WDR88: variants seen among roughly 807,000 people sequenced by gnomAD.
WDR88 encodes WD repeat domain 88.
Under a neutral mutation model 46.8 loss-of-function variants are expected in WDR88, and 40 were observed. That is an observed-to-expected ratio of 0.86 (90% CI 0.66 to 1.11). WDR88 has a LOEUF of 1.11. WDR88 is among the 50% of genes most tolerant of loss of function. The pLI is 0.00. For synonymous variants in WDR88, 235 were observed against 240.7 expected, an observed-to-expected ratio of 0.98 and a Z score of 0.22; for missense variants, 562 against 602.4, an observed-to-expected ratio of 0.93 and a Z score of 0.70.
intron 5 of WDR88, among the ~76,000 whole-genome samples, chr19:33,150,829 T>C (rs983824094): frequency 4.6e-5 from 7 of 152,252 alleles, no homozygotes; most frequent in African/African-American, 1.7e-4. Context: ...CTGCTTCCCT[T>C]GCTGGCTTTT....
chr19:33,132,233 T>A lies in WDR88; in HGVS notation c.64T>A (p.Ser22Thr). ...CAGGGAATGCAAGTTGCCGCCACCC[T>A]CCGCCCCCGCCAGCGAGTATTGTCC... Reference protein sequence around the residue: ...HDRECKLPPPSAPASEYCPGK... With the variant: ...HDRECKLPPPTAPASEYCPGK... The change falls in exon 1 of 11, where the codon TCC (serine) becomes ACC (threonine). Residue 22 changes from serine to threonine, a missense_variant. By Grantham distance (58) the Ser-to-Thr change is moderately conservative (BLOSUM62 1). Transcript: ENST00000355868. The A allele has an allele frequency of 6.2e-7, 1 of 1,610,912 alleles. No individual in the cohort carries two copies. The highest frequency in any genetic ancestry group is 1.1e-5 in the South Asian group (1 of 91,082).
rs201210259 is a variant in WDR88, at chr19:33,156,458, G to T, written c.913G>T (p.Gly305Trp). ...CTTAAAAATATGGAACGTCCACACA[G>T]GGGAGTTTCGAAACTGTGGAGCCTG... ...KNLKIWNVHT[G>W]EFRNCGACVT... Residue 305 changes from glycine to tryptophan, a missense_variant, in exon 7 of 11, where the codon GGG becomes TGG. Coordinates refer to ENST00000355868, the MANE Select transcript of WDR88 (RefSeq NM_173479.4). 2 of 1,614,042 alleles carry T rather than the reference G, an allele frequency of 1.2e-6. No individual in the cohort carries two copies. Among genetic ancestry groups the T allele is most frequent in the Non-Finnish European group, 1.7e-6 (2 of 1,180,022 alleles).
At chr19:33,156,648 A>G (rs1973741697) in intron 7 of WDR88, 106 bp downstream of exon 7, 1 of 1,304,100 alleles carries the variant, frequency 7.7e-7, no homozygotes. Flanking sequence ...TGATGCTGAC[A>G]GGGAGGGCGG....
At chr19:33,136,486 C>G (rs929401674) in intron 1 of WDR88, among the ~76,000 whole-genome samples, 1 of 152,030 alleles carries the variant, frequency 6.6e-6, no homozygotes, top group Non-Finnish European at 1.5e-5. Context: ...CCACCGCGCC[C>G]GGCCACACTA....
At chr19:33,136,819 C>A (rs149088301) in intron 1 of WDR88, among the ~76,000 whole-genome samples, 1 of 152,092 alleles carries the variant, frequency 6.6e-6, no homozygotes, top group South Asian at 2.1e-4. Context: ...TCAAGTGATC[C>A]GCCTGCTTCA....
intron 1 of WDR88, among the ~76,000 whole-genome samples, chr19:33,135,052 T>TGG (rs968213590): frequency 0.016 from 318 of 20,074 alleles, 3 homozygotes; most frequent in African/African-American, 0.033. Flanking sequence ...CTGGGGTGGG[T>TGG]GGGTGGGGGG....
intron 10 of WDR88, among the ~76,000 whole-genome samples, chr19:33,175,170 G>T (rs80021016): frequency 6.6e-6 from 1 of 152,164 alleles, no homozygotes; most frequent in South Asian, 2.1e-4. Flanking sequence ...GGGAGGCGGA[G>T]GTTGCAGTAA....
At chr19:33,132,565 C>A in intron 1 of WDR88, 120 bp downstream of exon 1, 1 of 1,418,306 alleles carries the variant, frequency 7.1e-7, no homozygotes, top group Non-Finnish European at 9.5e-7. Flanking sequence ...CCCAGCGAGG[C>A]CCTAGGCCCA....
At chr19:33,168,120 TG>T (rs540139270) in intron 9 of WDR88, among the ~76,000 whole-genome samples, 204 of 152,056 alleles carry the variant, frequency 1.3e-3, no homozygotes, top group African/African-American at 4.8e-3. Context: ...CTCCATCTTC[TG>T]GGTTCAAGCA....
intron 6 of WDR88, among the ~76,000 whole-genome samples, chr19:33,153,446 T>G (rs1973674540): frequency 6.6e-6 from 1 of 151,956 alleles, no homozygotes; most frequent in Non-Finnish European, 1.5e-5. Context: ...TTTTCAGGAG[T>G]GGGGATCTTG....
intron 4 of WDR88, among the ~76,000 whole-genome samples, chr19:33,148,412 A>T (rs1973563323): frequency 6.6e-6 from 1 of 152,106 alleles, no homozygotes; most frequent in South Asian, 2.1e-4. Context: ...AAGACAAGAT[A>T]AGCCAAGTTT....
chr19:33,144,099 CTG>C (rs1232214607), intron 2 of WDR88, among the ~76,000 whole-genome samples: 1 of 152,202 alleles, frequency 6.6e-6, no homozygotes, highest in Non-Finnish European at 1.5e-5. Context: ...GAGTCTAAAA[CTG>C]CGCAGCCCCA....
chr19:33,160,669 A>T (rs575327684), intron 8 of WDR88, among the ~76,000 whole-genome samples, 173 bp downstream of exon 8: 1 of 152,314 alleles, frequency 6.6e-6, no homozygotes, highest in East Asian at 1.9e-4. Flanking sequence ...TGAGGAGTGA[A>T]ATGGAGAAAC....
intron 2 of WDR88, 38 bp downstream of exon 2, chr19:33,137,825 C>A: frequency 1.9e-6 from 3 of 1,581,200 alleles, no homozygotes; most frequent in Non-Finnish European, 2.6e-6. Context: ...GGAGCGAAAA[C>A]CTTTCCTAAG....
At chr19:33,162,266 T>G (rs1244244958) in intron 8 of WDR88, among the ~76,000 whole-genome samples, 1 of 152,102 alleles carries the variant, frequency 6.6e-6, no homozygotes, top group Non-Finnish European at 1.5e-5. Flanking sequence ...AGTGGCATGA[T>G]CTTGGCTCAC....
At chr19:33,148,662 C>T in intron 4 of WDR88, 110 bp from the exon 5 acceptor site, 1 of 1,334,576 alleles carries the variant, frequency 7.5e-7, no homozygotes, top group East Asian at 2.3e-5. Context: ...TAGTCTCAGG[C>T]TCCTGGTCTC....
At chr19:33,174,215 G>C (rs1207063985) in intron 10 of WDR88, 2 of 1,536,434 alleles carry the variant, frequency 1.3e-6, no homozygotes, top group African/African-American at 2.7e-5. Context: ...GCTGAAGCAA[G>C]GATGAGCCTG....
intron 6 of WDR88, among the ~76,000 whole-genome samples, chr19:33,151,887 T>C (rs1599896861): frequency 6.6e-6 from 1 of 151,300 alleles, no homozygotes; most frequent in South Asian, 2.1e-4. Context: ...CTAAAAAAAA[T>C]AAATAAATAA....
intron 8 of WDR88, among the ~76,000 whole-genome samples, 157 bp downstream of exon 8, chr19:33,160,653 C>G (rs559163449): frequency 5.3e-5 from 8 of 152,128 alleles, no homozygotes; most frequent in African/African-American, 1.9e-4. Flanking sequence ...AACACACCAC[C>G]GACTGTGAGG....
Sources: allele counts gnomAD v4.1 joint callset (sites outside exome capture counted in the v4.1 genomes callset), GRCh38; gene constraint gnomAD v4.1.1; transcripts MANE v1.5; gene names NCBI Gene and HGNC (gene_info 2026-07-23, HGNC 2026-07-21).